The following GPR39 variants were observed in gnomAD, a reference collection of about 807,000 sequenced individuals.
GPR39 encodes zinc sensing receptor.
A neutral mutation model predicts 18.4 loss-of-function variants in GPR39; 23 were observed. The observed-to-expected ratio is 1.25, with a 90% CI of 0.90 to 1.77. The LOEUF is 1.77. Ranked by LOEUF, GPR39 falls within the 40% of genes most tolerant of loss-of-function variation. The probability of loss-of-function intolerance (pLI) is 0.00; values close to 1 mark genes in which losing one functional copy is unlikely to be tolerated. For synonymous variants in GPR39, 280 were observed against 257.9 expected (o/e 1.09, Z -0.82); for missense variants, 647 against 602.4 (o/e 1.07, Z -0.78).
At chr2:132,421,500 A>G (rs1680008069) in intron 1 of GPR39, among the ~76,000 whole-genome samples, 1 of 152,210 alleles carries the variant, frequency 6.6e-6, no homozygotes, top group South Asian at 2.1e-4. Context: ...TAGAAGATTC[A>G]TAACTCTAGA....
intron 1 of GPR39, among the ~76,000 whole-genome samples, chr2:132,459,562 A>G (rs1477253297): frequency 6.6e-6 from 1 of 152,144 alleles, no homozygotes; most frequent in Non-Finnish European, 1.5e-5. Context: ...TTTTGTCTAA[A>G]TAATAGGGCA....
At chr2:132,558,870 AGC>A (rs754431450) in intron 1 of GPR39, among the ~76,000 whole-genome samples, 5 of 152,170 alleles carry the variant, frequency 3.3e-5, no homozygotes, top group Non-Finnish European at 7.3e-5. Flanking sequence ...AGTTTACACA[AGC>A]TTCTTGGCTC....
chr2:132,418,307 C>A (rs904679907), intron 1 of GPR39, among the ~76,000 whole-genome samples: 1 of 152,122 alleles, frequency 6.6e-6, no homozygotes, highest in Non-Finnish European at 1.5e-5. Context: ...TACAGGGAAC[C>A]GTCTTATCTA....
At chr2:132,490,972 A>C (rs1681449018) in intron 1 of GPR39, among the ~76,000 whole-genome samples, 1 of 152,160 alleles carries the variant, frequency 6.6e-6, no homozygotes, top group Admixed American at 6.5e-5. Flanking sequence ...CCGCGAGCTG[A>C]ATTCATAACT....
At chr2:132,497,624 T>C (rs1681671769) in intron 1 of GPR39, among the ~76,000 whole-genome samples, 1 of 152,174 alleles carries the variant, frequency 6.6e-6, no homozygotes, top group Non-Finnish European at 1.5e-5. Context: ...TTAAGAGTCA[T>C]AATTATTTCC....
chr2:132,428,861 A>T (rs1035492483), intron 1 of GPR39, among the ~76,000 whole-genome samples: 4 of 152,238 alleles, frequency 2.6e-5, no homozygotes, highest in African/African-American at 7.2e-5. Flanking sequence ...ATTATTTCTA[A>T]AAAGAAACTT....
chr2:132,630,527 C>A (rs1026771464), intron 1 of GPR39, among the ~76,000 whole-genome samples: 1 of 152,096 alleles, frequency 6.6e-6, no homozygotes, highest in Admixed American at 6.5e-5. Context: ...GGATTCTGGA[C>A]CTTATTCTAA....
At chr2:132,523,894 G>C (rs1414635287) in intron 1 of GPR39, 1 of 152,698 alleles carries the variant, frequency 6.5e-6, no homozygotes, top group Non-Finnish European at 1.5e-5. Flanking sequence ...AGAACCTGGG[G>C]GAAGAGTTTG....
At chr2:132,630,140 C>T (rs76793450) in intron 1 of GPR39, among the ~76,000 whole-genome samples, 1,927 of 152,214 alleles carry the variant, frequency 0.013, 46 homozygotes, top group African/African-American at 0.044. Flanking sequence ...GATCCAGCCT[C>T]GAACCCCATG....
At chr2:132,465,132 T>C (rs1335158388) in intron 1 of GPR39, among the ~76,000 whole-genome samples, 1 of 152,112 alleles carries the variant, frequency 6.6e-6, no homozygotes, top group Admixed American at 6.5e-5. Context: ...TGATTGGTTC[T>C]CTCTGAAACC....
At chr2:132,528,972 C>G (rs1679559956) in intron 1 of GPR39, among the ~76,000 whole-genome samples, 1 of 152,118 alleles carries the variant, frequency 6.6e-6, no homozygotes. Context: ...TCTGCATTTC[C>G]AACTGAGGTA....
Position 132,480,259 on chromosome 2 carries a change from A to C in GPR39, c.856+62361A>C, listed in dbSNP as rs550155046. ...ATGGTGGTTGCCAGGGACTAGGAGG[A>C]GGAGGAAATGGCAAATTGTTGTTCA... On this transcript the variant is annotated intron_variant, in intron 1 of 1. Transcript: ENST00000329321. Among the ~76,000 whole-genome samples, 4 of 152,304 alleles carry C rather than the reference A, an allele frequency of 2.6e-5. No homozygotes were observed. The South Asian group carries it at 8.3e-4, about 32-fold the overall frequency.
chr2:132,624,017 G>A (rs1267573009), intron 1 of GPR39, among the ~76,000 whole-genome samples: 2 of 152,164 alleles, frequency 1.3e-5, no homozygotes, highest in Admixed American at 1.3e-4. Flanking sequence ...TTAAAAGGAA[G>A]CCAGGGATAA....
intron 1 of GPR39, among the ~76,000 whole-genome samples, chr2:132,636,848 G>C (rs1681764447): frequency 6.6e-6 from 1 of 152,202 alleles, no homozygotes; most frequent in Admixed American, 6.5e-5. Context: ...CCAGCTGCAA[G>C]CTTCTTCATT....
chr2:132,537,656 T>C (rs763793170), intron 1 of GPR39, among the ~76,000 whole-genome samples: 3 of 152,130 alleles, frequency 2.0e-5, no homozygotes, highest in Non-Finnish European at 2.9e-5. Context: ...TTGGTTCCAT[T>C]CTCTCCATCT....
At chr2:132,607,602 A>C (rs1291789047) in intron 1 of GPR39, among the ~76,000 whole-genome samples, 2 of 152,142 alleles carry the variant, frequency 1.3e-5, no homozygotes, top group Non-Finnish European at 2.9e-5. Context: ...GCAAGAGGCA[A>C]ATTTTATCTG....
At chr2:132,443,424 CT>C (rs1680474992) in intron 1 of GPR39, among the ~76,000 whole-genome samples, 1 of 152,142 alleles carries the variant, frequency 6.6e-6, no homozygotes, top group East Asian at 1.9e-4. Context: ...TACAACCATT[CT>C]TTTTTTCACT....
intron 1 of GPR39, among the ~76,000 whole-genome samples, chr2:132,489,908 C>T (rs1681423434): frequency 1.3e-5 from 2 of 151,762 alleles, no homozygotes; most frequent in African/African-American, 2.4e-5. Context: ...GCCTAGATTC[C>T]CTTTGGACAC....
At chr2:132,583,376 A>G (rs1305760361) in intron 1 of GPR39, among the ~76,000 whole-genome samples, 1 of 121,212 alleles carries the variant, frequency 8.3e-6, no homozygotes, top group Non-Finnish European at 1.8e-5. Flanking sequence ...AAATACACAT[A>G]TCCCTCAAAA....
Sources: gnomAD v4.1 joint callset for allele counts (sites outside exome capture counted in the v4.1 genomes callset) on GRCh38, gnomAD v4.1.1 for gene constraint, MANE v1.5 for transcripts, NCBI Gene and HGNC (gene_info 2026-07-23, HGNC 2026-07-21) for gene names.